Variants in L3HYPDH observed in about 807,000 individuals in gnomAD.
L3HYPDH encodes the protein trans-L-3-hydroxyproline dehydratase, also known as trans-3-hydroxy-L-proline dehydratase.
L3HYPDH carries 32 observed loss-of-function variants against 26.5 expected under a neutral mutation model. The ratio of observed to expected loss-of-function variants is 1.21; its 90% CI spans 0.91 to 1.62. L3HYPDH has a LOEUF of 1.62. Among genes scored for constraint, L3HYPDH ranks in the 40% most tolerant of loss-of-function variants. The pLI, the probability that L3HYPDH is intolerant of heterozygous loss-of-function variation, is 0.00. For missense variants in L3HYPDH, 554 were observed against 476.4 expected (o/e 1.16, Z -1.52); for synonymous variants, 215 against 196.6 (o/e 1.09, Z -0.78).
At chr14:59,495,333 G>T in the L3HYPDH span, 1 of 744,880 alleles carries the variant, frequency 1.3e-6, no homozygotes, top group Non-Finnish European at 2.2e-6. Flanking sequence ...TGAGTTCTGG[G>T]TCTGCCAGCG....
upstream of L3HYPDH, chr14:59,487,799 C>T (rs1890692135): frequency 6.2e-7 from 1 of 1,613,518 alleles, no homozygotes; most frequent in Non-Finnish European, 8.5e-7. Context: ...TACATTGGTT[C>T]TTCATTGAAT....
intron 1 of L3HYPDH, among the ~76,000 whole-genome samples, chr14:59,465,530 G>T (rs931456862): frequency 1.3e-4 from 20 of 152,262 alleles, no homozygotes; most frequent in Admixed American, 1.2e-3. Context: ...AGAGTGCCAG[G>T]TCGACCTCCT....
downstream of L3HYPDH, among the ~76,000 whole-genome samples, chr14:59,470,385 A>G (rs1321245452): frequency 4.6e-5 from 7 of 152,204 alleles, no homozygotes; most frequent in Admixed American, 3.9e-4. Context: ...ACAGTGTCCT[A>G]AAGAGAGGTA....
the L3HYPDH span, chr14:59,503,756 A>T: frequency 6.9e-6 from 5 of 722,332 alleles, no homozygotes; most frequent in East Asian, 1.1e-4. Context: ...TTCTGAGATT[A>T]TAAATAATAC....
downstream of L3HYPDH, among the ~76,000 whole-genome samples, chr14:59,470,002 G>A (rs59079273): frequency 8.2e-3 from 1,246 of 152,294 alleles, 15 homozygotes; most frequent in African/African-American, 0.029. Flanking sequence ...AAGCTAGGCA[G>A]GTGAATGATA....
the L3HYPDH span, among the ~76,000 whole-genome samples, chr14:59,494,121 G>GGTGTGTGTGTGT: frequency 4.6e-5 from 7 of 151,072 alleles, no homozygotes; most frequent in South Asian, 2.1e-4. Context: ...AGAAAATTTG[G>GGTGTGTGTGTGT]GTGTGTGTGT....
the L3HYPDH span, among the ~76,000 whole-genome samples, chr14:59,495,635 G>T: frequency 6.6e-6 from 1 of 152,000 alleles, no homozygotes; most frequent in African/African-American, 2.4e-5. Context: ...GACTATTCCA[G>T]TTTCAGAATT....
the L3HYPDH span, among the ~76,000 whole-genome samples, chr14:59,494,550 A>G: frequency 6.6e-6 from 1 of 152,220 alleles, no homozygotes; most frequent in African/African-American, 2.4e-5. Flanking sequence ...TTTCTGGAAA[A>G]AAGTGGTAAA....
chr14:59,498,418 GTTT>G, the L3HYPDH span, among the ~76,000 whole-genome samples: 1 of 152,106 alleles, frequency 6.6e-6, no homozygotes, highest in Non-Finnish European at 1.5e-5. Context: ...TGTACAGTAG[GTTT>G]TTTTATGTAT....
chr14:59,498,123 C>A, the L3HYPDH span, among the ~76,000 whole-genome samples: 2 of 152,026 alleles, frequency 1.3e-5, no homozygotes, highest in African/African-American at 4.8e-5. Context: ...ATCTGTAATT[C>A]TGTTCCTTGA....
chr14:59,479,801 A>G (rs1440676937), intron 1 of L3HYPDH, among the ~76,000 whole-genome samples: 1 of 152,238 alleles, frequency 6.6e-6, no homozygotes, highest in Non-Finnish European at 1.5e-5. Flanking sequence ...GTCAAAACAT[A>G]AATTTTAATA....
chr14:59,467,203 T>C (rs1470032746), intron 1 of L3HYPDH, among the ~76,000 whole-genome samples: 1 of 152,116 alleles, frequency 6.6e-6, no homozygotes, highest in Non-Finnish European at 1.5e-5. Context: ...GAGGTGACAT[T>C]AGACTTTTTA....
chr14:59,496,492 G>A, the L3HYPDH span, among the ~76,000 whole-genome samples: 7 of 151,956 alleles, frequency 4.6e-5, no homozygotes, highest in Non-Finnish European at 5.9e-5. Flanking sequence ...CTTATTTAGC[G>A]ATAGTCTCAT....
upstream of L3HYPDH, chr14:59,484,882 C>G: frequency 7.7e-7 from 1 of 1,305,190 alleles, no homozygotes; most frequent in South Asian, 1.6e-5. Flanking sequence ...GGAACACTTG[C>G]TTGAGGGTTG....
At chr14:59,486,825 T>G (rs752998046), upstream of L3HYPDH, 1 of 1,383,322 alleles carries the variant, frequency 7.2e-7, no homozygotes, top group East Asian at 2.4e-5. Flanking sequence ...TGTTTGTATC[T>G]TATTTCATTT....
upstream of L3HYPDH, chr14:59,485,020 C>A: frequency 6.3e-7 from 1 of 1,597,414 alleles, no homozygotes; most frequent in Non-Finnish European, 8.5e-7. Context: ...AGGGCAGGAC[C>A]GCTGCAAAAA....
At chr14:59,505,069 C>T in the L3HYPDH span, 2 of 405,380 alleles carry the variant, frequency 4.9e-6, no homozygotes, top group East Asian at 3.6e-5. Flanking sequence ...CATGTTTATC[C>T]ATTTTTATTG....
chr14:59,484,782 T>C (rs2139846203), upstream of L3HYPDH: 2 of 913,096 alleles, frequency 2.2e-6, no homozygotes, highest in Non-Finnish European at 3.2e-6. Flanking sequence ...CGCAACGGGC[T>C]ACTAGGGGAG....
At chr14:59,487,706 G>A, upstream of L3HYPDH, 1 of 1,613,282 alleles carries the variant, frequency 6.2e-7, no homozygotes, top group Non-Finnish European at 8.5e-7. Context: ...CGAATGCACA[G>A]AAATATTGTC....
Sources: gnomAD v4.1 joint callset for allele counts (sites outside exome capture counted in the v4.1 genomes callset) on GRCh38, gnomAD v4.1.1 for gene constraint, MANE v1.5 for transcripts, NCBI Gene and HGNC (gene_info 2026-07-23, HGNC 2026-07-21) for gene names.